SEMA3A: variants seen among roughly 807,000 people sequenced by gnomAD.
The protein encoded by SEMA3A is semaphorin 3A.
In SEMA3A, 29 loss-of-function variants were observed where a neutral mutation model predicts 97.9. The ratio of observed to expected loss-of-function variants is 0.30; its 90% CI spans 0.22 to 0.40. SEMA3A has a LOEUF of 0.40. SEMA3A is among the 10% of genes least tolerant of loss of function. SEMA3A has a pLI of 1.00. For synonymous variants in SEMA3A, 321 were observed against 323.7 expected (o/e 0.99, Z 0.09); for missense variants, 763 against 951.3 (o/e 0.80, Z 2.60).
At chr7:84,170,969 T>A (rs1797366006) in intron 1 of SEMA3A, among the ~76,000 whole-genome samples, 1 of 152,082 alleles carries the variant, frequency 6.6e-6, no homozygotes, top group South Asian at 2.1e-4. Context: ...AACAAAATAA[T>A]CCCAATATGG....
At chr7:84,471,784 G>C (rs1247405541) in intron 1 of SEMA3A, among the ~76,000 whole-genome samples, 1 of 151,966 alleles carries the variant, frequency 6.6e-6, no homozygotes, top group Non-Finnish European at 1.5e-5. Context: ...TATTTTTCTT[G>C]GTTTCTAGGG....
chr7:84,193,311 C>A (rs1331058809), intron 1 of SEMA3A, among the ~76,000 whole-genome samples: 2 of 151,834 alleles, frequency 1.3e-5, no homozygotes, highest in Non-Finnish European at 2.9e-5. Flanking sequence ...AAAGATGTTC[C>A]CCATCATATG....
chr7:83,981,502 G>A, intron 13 of SEMA3A, 24 bp from the exon 14 acceptor site: 1 of 1,538,964 alleles, frequency 6.5e-7, no homozygotes, highest in South Asian at 1.2e-5. Context: ...TTACTGCTGT[G>A]ACAAAAACTA....
At chr7:84,259,169 A>G (rs761117906) in intron 3 of SEMA3A, among the ~76,000 whole-genome samples, 5 of 152,226 alleles carry the variant, frequency 3.3e-5, no homozygotes, top group Non-Finnish European at 1.5e-5. Flanking sequence ...TTTTAAACTA[A>G]TCAATAATAA....
intron 14 of SEMA3A, among the ~76,000 whole-genome samples, chr7:83,980,603 C>CAAAAAAAAAAAAAAA (rs749889921): frequency 5.6e-5 from 3 of 53,970 alleles, no homozygotes; most frequent in Non-Finnish European, 1.1e-4. Flanking sequence ...GACTCCATCT[C>CAAAAAAAAAAAAAAA]AAAAAAAAAA....
intron 1 of SEMA3A, among the ~76,000 whole-genome samples, chr7:84,485,246 T>C (rs983044246): frequency 7.9e-5 from 12 of 152,298 alleles, no homozygotes; most frequent in African/African-American, 2.4e-4. Context: ...AAGTAGATAT[T>C]TGGCCGCAGT....
At chr7:84,347,023 T>A (rs1225750675) in intron 2 of SEMA3A, among the ~76,000 whole-genome samples, 3 of 152,218 alleles carry the variant, frequency 2.0e-5, no homozygotes, top group Non-Finnish European at 4.4e-5. Context: ...ACACTATGGA[T>A]AACACTAAAA....
In SEMA3A at chr7:84,180,936, C is replaced by T. The variant is rs560805997; in HGVS notation, c.112+13539G>A. Among the ~76,000 whole-genome samples the T allele has an allele frequency of 1.7e-3, 263 of 152,158 alleles. 1 individual carries two copies. The highest frequency in any genetic ancestry group is 5.9e-3 in the African/African-American group (243 of 41,534). ...TTTAGATATTCATTATAATGATTCA[C>T]TTATTGGTTCCCTTAAGTAAATACA... On this transcript the variant is annotated intron_variant, in intron 1 of 16. Transcript: ENST00000265362.
At chr7:84,113,332 T>A (rs1795329980) in intron 3 of SEMA3A, among the ~76,000 whole-genome samples, 2 of 152,172 alleles carry the variant, frequency 1.3e-5, no homozygotes, top group Non-Finnish European at 2.9e-5. Context: ...CTGTCATTCA[T>A]TTGCCTTCAT....
intron 1 of SEMA3A, among the ~76,000 whole-genome samples, chr7:84,410,883 A>T (rs1212029992): frequency 4.6e-5 from 7 of 152,108 alleles, no homozygotes; most frequent in Non-Finnish European, 1.0e-4. Flanking sequence ...TGCACCTAAG[A>T]GACTAACTAG....
chr7:84,383,118 A>G (rs1344951483), intron 1 of SEMA3A, among the ~76,000 whole-genome samples: 1 of 152,150 alleles, frequency 6.6e-6, no homozygotes. Context: ...TAAAAAAGAA[A>G]TAACAAAGAA....
chr7:83,965,090 CT>C (rs1335829596), intron 15 of SEMA3A, among the ~76,000 whole-genome samples: 3 of 132,404 alleles, frequency 2.3e-5, no homozygotes, highest in Non-Finnish European at 4.6e-5. Flanking sequence ...GTGATTTAAA[CT>C]TTTTTGTATT....
At chr7:84,433,328 T>C (rs1805038606) in intron 1 of SEMA3A, among the ~76,000 whole-genome samples, 1 of 151,738 alleles carries the variant, frequency 6.6e-6, no homozygotes, top group Non-Finnish European at 1.5e-5. Flanking sequence ...CATGCAGTGT[T>C]TGGTTTTCTG....
At chr7:84,461,446 G>A (rs755277342) in intron 1 of SEMA3A, among the ~76,000 whole-genome samples, 40 of 147,356 alleles carry the variant, frequency 2.7e-4, no homozygotes, top group Admixed American at 9.1e-4. Context: ...TATTTTTGAT[G>A]CATAAATACT....
intron 3 of SEMA3A, among the ~76,000 whole-genome samples, chr7:84,273,876 T>G (rs1240313250): frequency 5.3e-5 from 8 of 152,074 alleles, no homozygotes; most frequent in African/African-American, 1.9e-4. Flanking sequence ...GCTGATTCAG[T>G]ATATCCCTCT....
At chr7:84,066,380 T>C (rs1290003332) in intron 4 of SEMA3A, among the ~76,000 whole-genome samples, 1 of 150,340 alleles carries the variant, frequency 6.7e-6, no homozygotes, top group Non-Finnish European at 1.5e-5. Flanking sequence ...ATGCCCTCTC[T>C]CACCACTCCT....
chr7:84,236,160 G>A (rs1799232293), intron 3 of SEMA3A, among the ~76,000 whole-genome samples: 1 of 151,952 alleles, frequency 6.6e-6, no homozygotes, highest in Non-Finnish European at 1.5e-5. Context: ...TGCACCACTG[G>A]CCACTCTCCT....
intron 4 of SEMA3A, among the ~76,000 whole-genome samples, chr7:84,063,281 T>C (rs1244668231): frequency 1.3e-5 from 2 of 149,664 alleles, no homozygotes; most frequent in Non-Finnish European, 3.0e-5. Flanking sequence ...ATCACCATCA[T>C]TGAGGACCAA....
At chr7:84,161,860 T>C (rs1000342725) in intron 1 of SEMA3A, among the ~76,000 whole-genome samples, 2 of 152,130 alleles carry the variant, frequency 1.3e-5, no homozygotes, top group Admixed American at 6.5e-5. Context: ...AAAACTAATA[T>C]TTAAGTTCAT....
Sources: allele counts gnomAD v4.1 joint callset (sites outside exome capture counted in the v4.1 genomes callset), GRCh38; gene constraint gnomAD v4.1.1; transcripts MANE v1.5; gene names NCBI Gene and HGNC (gene_info 2026-07-23, HGNC 2026-07-21).